The following CCDC12 variants were observed in gnomAD, a reference collection of about 807,000 sequenced individuals.
CCDC12 encodes the protein coiled-coil domain-containing protein 12.
Under a neutral mutation model 25.7 loss-of-function variants are expected in CCDC12, and 28 were observed. The observed-to-expected ratio is 1.09, with a 90% CI of 0.81 to 1.50. The LOEUF (loss-of-function observed/expected upper bound fraction) is 1.50. CCDC12 is among the 40% of genes most tolerant of loss of function. The probability of loss-of-function intolerance (pLI) is 0.00; values close to 1 mark genes in which losing one functional copy is unlikely to be tolerated. For missense variants in CCDC12, 198 were observed against 210.0 expected (o/e 0.94, Z 0.35); for synonymous variants, 75 against 87.7 (o/e 0.86, Z 0.81).
At chr3:46,941,463 G>C (rs943879891) in intron 1 of CCDC12, among the ~76,000 whole-genome samples, 1 of 152,066 alleles carries the variant, frequency 6.6e-6, no homozygotes, top group Non-Finnish European at 1.5e-5. Flanking sequence ...TATTCGGGAG[G>C]CTGAGGCAGG....
In CCDC12 at chr3:46,941,022, T is replaced by G. The variant is rs1380540249; in HGVS notation, c.140A>C (p.Glu47Ala). Residue 47 changes from glutamate (E) to alanine (A), a missense_variant, in exon 2 of 7, where the codon GAG becomes GCG. Coordinates refer to ENST00000683445, the MANE Select transcript of CCDC12 (RefSeq NM_001277074.2). Reference protein sequence around the residue: ...GEPKTKHLREEEEEGEKHREL... With the variant: ...GEPKTKHLREAEEEGEKHREL... ...CCTGTGCTTCTCGCCTTCTTCCTCC[T>G]CTTCTCTGAGATGCTTGGTCTTTGG... 4 of 1,614,174 alleles carry G rather than the reference T, an allele frequency of 2.5e-6. No individual in the cohort carries two copies. The highest frequency in any genetic ancestry group is 2.5e-6 in the Non-Finnish European group (3 of 1,180,036).
chr3:46,944,287 CGA>C (rs1378547089), intron 1 of CCDC12, among the ~76,000 whole-genome samples: 1 of 152,050 alleles, frequency 6.6e-6, no homozygotes, highest in Non-Finnish European at 1.5e-5. Flanking sequence ...GCCAAGGAGA[CGA>C]GAGAGAGGCT....
intron 1 of CCDC12, among the ~76,000 whole-genome samples, chr3:46,956,375 T>G (rs2034288208): frequency 6.6e-6 from 1 of 152,238 alleles, no homozygotes; most frequent in Admixed American, 6.5e-5. Context: ...GAGGAGCCTC[T>G]GAGTGAGACC....
At chr3:46,948,909 A>G (rs1440236372) in intron 1 of CCDC12, among the ~76,000 whole-genome samples, 1 of 152,210 alleles carries the variant, frequency 6.6e-6, no homozygotes, top group African/African-American at 2.4e-5. Context: ...TCAGTCGACA[A>G]ATACTGACTG....
chr3:46,976,999 T>C, upstream of CCDC12: 1 of 546,758 alleles, frequency 1.8e-6, no homozygotes, highest in Non-Finnish European at 3.2e-6. Context: ...GCTCGATTTA[T>C]CCAACGCTGA....
At chr3:46,943,783 T>A (rs2033805260) in intron 1 of CCDC12, among the ~76,000 whole-genome samples, 1 of 152,154 alleles carries the variant, frequency 6.6e-6, no homozygotes, top group South Asian at 2.1e-4. Context: ...CAGCACTAGC[T>A]CTGCAGACAG....
At chr3:46,957,409 T>C (rs1211804507) in intron 1 of CCDC12, among the ~76,000 whole-genome samples, 1 of 152,192 alleles carries the variant, frequency 6.6e-6, no homozygotes, top group African/African-American at 2.4e-5. Context: ...TCTTTCTTTT[T>C]AATTATTTTT....
chr3:46,959,902 G>C (rs554789966), intron 1 of CCDC12, among the ~76,000 whole-genome samples: 30 of 152,218 alleles, frequency 2.0e-4, no homozygotes, highest in South Asian at 1.2e-3. Context: ...ACCAGCTCAG[G>C]CTCTGTCTTG....
intron 1 of CCDC12, among the ~76,000 whole-genome samples, chr3:46,947,921 T>C (rs1367980853): frequency 2.0e-5 from 3 of 152,128 alleles, no homozygotes; most frequent in Admixed American, 6.5e-5. Context: ...ATATCACCAT[T>C]ACAAGGAAAT....
intron 2 of CCDC12, among the ~76,000 whole-genome samples, chr3:46,931,614 A>G (rs1176351158): frequency 2.0e-5 from 3 of 151,392 alleles, no homozygotes; most frequent in African/African-American, 7.3e-5. Flanking sequence ...GGGCCCCTGG[A>G]GGGAGGCAGA....
rs76479821 is a variant in CCDC12, at chr3:46,961,352, T to C, written c.96+15285A>G. The stretch of plus-strand genomic sequence containing the variant: ...GGGTCAATGGAAGAGCCAAAAACCA[T>C]TTAAAACATACAGCCCCAGTTTGAA... On this transcript the variant is annotated intron_variant, in intron 1 of 6. Coordinates refer to ENST00000683445, the MANE Select transcript of CCDC12 (RefSeq NM_001277074.2). 1.8e-4 allele frequency among the ~76,000 whole-genome samples: 28 copies of C among 152,322 alleles called. No homozygotes were observed. The East Asian group carries it at 4.4e-3, about 24-fold the overall frequency.
intron 1 of CCDC12, among the ~76,000 whole-genome samples, chr3:46,969,362 G>T (rs1206338912): frequency 2.6e-5 from 4 of 152,132 alleles, no homozygotes; most frequent in Non-Finnish European, 5.9e-5. Flanking sequence ...CCGAATAGCT[G>T]GGACTGCAGG....
intron 1 of CCDC12, among the ~76,000 whole-genome samples, chr3:46,960,984 T>C (rs1389332893): frequency 2.6e-5 from 4 of 151,108 alleles, no homozygotes; most frequent in African/African-American, 9.7e-5. Context: ...CTGTGGAGTG[T>C]TGGAGGTGTG....
intron 1 of CCDC12, among the ~76,000 whole-genome samples, chr3:46,946,813 C>T (rs902029716): frequency 3.3e-5 from 5 of 152,090 alleles, no homozygotes; most frequent in Non-Finnish European, 7.4e-5. Context: ...TCACTGGGGG[C>T]GGGTGTGCCG....
At chr3:46,976,189 T>C (rs1457706059) in intron 1 of CCDC12, 3 of 429,806 alleles carry the variant, frequency 7.0e-6, no homozygotes, top group Non-Finnish European at 9.5e-6. Flanking sequence ...GTATACCCAC[T>C]GCTGTCACTT....
rs146944006 is a variant in CCDC12 at position 46,974,727 on chromosome 3, G to T, written c.96+1910C>A. Among the ~76,000 whole-genome samples the T allele has an allele frequency of 5.3e-3, 804 of 152,296 alleles. 6 individuals carry two copies. The highest frequency in any genetic ancestry group is 0.018 in the African/African-American group (760 of 41,562). ...ACTGTCCAGCCTGTTTTTTCAGTTG[G>T]AAAGTGGGAAGTGCCCCCCATCTCT... On this transcript the variant is annotated intron_variant, in intron 1 of 6. Transcript: ENST00000683445.
intron 1 of CCDC12, among the ~76,000 whole-genome samples, chr3:46,948,037 A>G (rs1283624161): frequency 6.6e-6 from 1 of 152,250 alleles, no homozygotes; most frequent in Non-Finnish European, 1.5e-5. Flanking sequence ...ACAGGCCCAG[A>G]ACGGTGTGCC....
chr3:46,973,459 C>A (rs148711762), intron 1 of CCDC12, among the ~76,000 whole-genome samples: 1 of 148,200 alleles, frequency 6.7e-6, no homozygotes, highest in Non-Finnish European at 1.5e-5. Flanking sequence ...TGCACCATTG[C>A]ATTCCAGCCT....
At chr3:46,959,094 T>C (rs2034387309) in intron 1 of CCDC12, among the ~76,000 whole-genome samples, 1 of 152,206 alleles carries the variant, frequency 6.6e-6, no homozygotes, top group South Asian at 2.1e-4. Flanking sequence ...CTACAAGTGA[T>C]AAAAATCCTA....
Sources: gnomAD v4.1 joint callset for allele counts (sites outside exome capture counted in the v4.1 genomes callset) on GRCh38, gnomAD v4.1.1 for gene constraint, MANE v1.5 for transcripts, NCBI Gene and HGNC (gene_info 2026-07-23, HGNC 2026-07-21) for gene names.